Variants in GABRG3 observed in about 807,000 individuals in gnomAD.
GABRG3 encodes gamma-aminobutyric acid receptor subunit gamma-3.
Under a neutral mutation model 48.8 loss-of-function variants are expected in GABRG3, and 25 were observed. The observed-to-expected ratio is 0.51, with a 90% confidence interval of 0.37 to 0.72. The LOEUF (loss-of-function observed/expected upper bound fraction) is 0.72. GABRG3 is among the 30% of genes least tolerant of loss of function. GABRG3 has a pLI of 0.00. For missense variants in GABRG3, 394 were observed against 577.9 expected (o/e 0.68, Z 3.26); for synonymous variants, 227 against 217.6 (o/e 1.04, Z -0.38).
rs1889328019 is a variant in GABRG3, at chr15:27,457,794, A to G, written c.575-22856A>G. On this transcript the variant is annotated intron_variant, in intron 5 of 9. Coordinates refer to ENST00000615808, the MANE Select transcript of GABRG3 (RefSeq NM_033223.5). This position sits in a 1 kb window ranked among gnomAD's most constrained non-coding sequence, Gnocchi z 4.4. ...CTGCCTGTGTTTCACAAGGGGCTCT[A>G]AAGGACAGAATGTATTTGTCAAAGC... 6.6e-6 allele frequency among the ~76,000 whole-genome samples: 1 copy of G among 152,136 alleles called. No homozygotes were observed. The highest frequency in any genetic ancestry group is 6.5e-5 in the Admixed American group (1 of 15,270).
intron 9 of GABRG3, chr15:27,530,669 T>A: frequency 2.1e-6 from 1 of 471,116 alleles, no homozygotes; most frequent in South Asian, 1.5e-5. Flanking sequence ...AGATCTCTGG[T>A]GAGCCATCCC....
At chr15:27,014,112 C>G (rs960893418) in intron 2 of GABRG3, among the ~76,000 whole-genome samples, 10 of 151,992 alleles carry the variant, frequency 6.6e-5, no homozygotes, top group Admixed American at 3.3e-4. Context: ...TCATAATAGT[C>G]TCACAATTTT....
At chr15:27,508,218 A>G (rs2150857212) in intron 6 of GABRG3, among the ~76,000 whole-genome samples, 1 of 152,268 alleles carries the variant, frequency 6.6e-6, no homozygotes, top group East Asian at 1.9e-4. Flanking sequence ...AACATATTCC[A>G]GCTGTTGTTT....
At chr15:27,161,502 A>G (rs942337313) in intron 3 of GABRG3, among the ~76,000 whole-genome samples, 1 of 152,116 alleles carries the variant, frequency 6.6e-6, no homozygotes, top group Non-Finnish European at 1.5e-5. Context: ...ATGCTTTTTG[A>G]TGAAGAAAAG....
Position 27,306,980 on chromosome 15 carries a change from ATATAAACATGTTTATATATAAACATG to A in GABRG3, c.271-19796_271-19771del, listed in dbSNP as rs1566769608. Among the ~76,000 whole-genome samples the A allele has an allele frequency of 2.4e-4, 11 of 45,108 alleles. 1 individual carries two copies. The highest frequency in any genetic ancestry group is 6.2e-4 in the East Asian group (2 of 3,250). 29.6% of individuals were successfully genotyped at this position (45,108 alleles called of 152,430 possible). A position where few individuals can be genotyped will look rare whatever the true frequency, so the allele number is the denominator to read the frequency against. On this transcript the variant is annotated intron_variant, in intron 3 of 9. Coordinates refer to ENST00000615808, the MANE Select transcript of GABRG3 (RefSeq NM_033223.5). Reference sequence around the variant, plus strand: ...ACATGTTTATATATAAACATATATAATATAAACATGTTTATATATAAACATGTATAAACATGTTTATATATAAACAT... The same window carrying A: ...ACATGTTTATATATAAACATATATAATATAAACATGTTTATATATAAACAT...
chr15:27,306,519 ATATAAT>A (rs1892464635), intron 3 of GABRG3, among the ~76,000 whole-genome samples: 1 of 136,678 alleles, frequency 7.3e-6, no homozygotes, highest in African/African-American at 2.7e-5. Context: ...ATATAAACAT[ATATAAT>A]ATAAACATAA....
chr15:27,292,893 G>A (rs1276501936), intron 3 of GABRG3, among the ~76,000 whole-genome samples: 1 of 152,174 alleles, frequency 6.6e-6, no homozygotes, highest in East Asian at 1.9e-4. Context: ...TGGGAGATCT[G>A]CTGATCGTGG....
intron 5 of GABRG3, among the ~76,000 whole-genome samples, chr15:27,449,435 A>C (rs1889044130): frequency 1.3e-5 from 2 of 152,168 alleles, no homozygotes; most frequent in Non-Finnish European, 2.9e-5. Context: ...GTAATAATGA[A>C]ATCTAATTTT....
chr15:27,091,799 C>A (rs536255778), intron 3 of GABRG3, among the ~76,000 whole-genome samples: 1 of 152,336 alleles, frequency 6.6e-6, no homozygotes, highest in South Asian at 2.1e-4. Context: ...GGAAACTCGG[C>A]CTGCCCTATT....
At chr15:27,279,467 A>AT (rs75122520) in intron 3 of GABRG3, among the ~76,000 whole-genome samples, 19,009 of 152,038 alleles carry the variant, frequency 0.13, 2,844 homozygotes, top group African/African-American at 0.35. Flanking sequence ...TTTTAGGTTC[A>AT]TTTTTTTCCC....
chr15:27,528,992 T>C (rs78356047), intron 9 of GABRG3, among the ~76,000 whole-genome samples: 4 of 152,312 alleles, frequency 2.6e-5, no homozygotes, highest in Non-Finnish European at 5.9e-5. Flanking sequence ...TTTCATGTGG[T>C]CAAATCTGTT....
intron 3 of GABRG3, among the ~76,000 whole-genome samples, chr15:27,098,516 T>G (rs1897304047): frequency 6.6e-6 from 1 of 152,212 alleles, no homozygotes; most frequent in South Asian, 2.1e-4. Flanking sequence ...ATATCCTTTT[T>G]TTAAAGCCAA....
intron 5 of GABRG3, among the ~76,000 whole-genome samples, chr15:27,404,941 C>CT (rs1038423742): frequency 2.0e-5 from 3 of 152,166 alleles, no homozygotes; most frequent in Admixed American, 1.3e-4. Context: ...CTGGTATGTC[C>CT]TCGCAAGTCA....
intron 6 of GABRG3, among the ~76,000 whole-genome samples, chr15:27,506,138 G>C (rs1326573581): frequency 1.3e-5 from 2 of 152,086 alleles, no homozygotes; most frequent in South Asian, 4.1e-4. Flanking sequence ...CTCTTGCTCG[G>C]ACTGTCTAGA....
At chr15:27,341,040 A>G in intron 5 of GABRG3, 1 of 485,958 alleles carries the variant, frequency 2.1e-6, no homozygotes, top group Non-Finnish European at 4.1e-6. Context: ...CAGACTTCAG[A>G]GGCCTGAAAG....
At chr15:27,527,670 G>A (rs1342843105) in intron 8 of GABRG3, 41 bp downstream of exon 8, 2 of 1,540,682 alleles carry the variant, frequency 1.3e-6, no homozygotes, top group Non-Finnish European at 1.8e-6. Context: ...GGTAATGGGG[G>A]CGCTGTTTGA....
intron 5 of GABRG3, among the ~76,000 whole-genome samples, chr15:27,348,080 C>A (rs1894435004): frequency 1.4e-5 from 2 of 147,336 alleles, no homozygotes; most frequent in South Asian, 4.2e-4. Flanking sequence ...CTGGGGATTT[C>A]TGGAGGCGGA....
chr15:27,036,375 A>G (rs1387721072), intron 3 of GABRG3, among the ~76,000 whole-genome samples: 4 of 152,180 alleles, frequency 2.6e-5, no homozygotes, highest in Non-Finnish European at 5.9e-5. Context: ...GGTAGTAAGC[A>G]GGGAAATTGT....
At chr15:27,288,715 C>T (rs1046403343) in intron 3 of GABRG3, among the ~76,000 whole-genome samples, 1 of 91,422 alleles carries the variant, frequency 1.1e-5, no homozygotes, top group Non-Finnish European at 2.7e-5. Flanking sequence ...CTCCGTCTCA[C>T]AGAAAAAAAA....
Sources: gnomAD v4.1 joint callset for allele counts (sites outside exome capture counted in the v4.1 genomes callset) on GRCh38, gnomAD v4.1.1 for gene constraint, Gnocchi (gnomAD v3.1) non-coding constraint, MANE v1.5 for transcripts, NCBI Gene and HGNC (gene_info 2026-07-23, HGNC 2026-07-21) for gene names.